Variants in CRB1 observed in about 807,000 individuals in gnomAD.
CRB1 encodes protein crumbs homolog 1.
Under a neutral mutation model 120.0 loss-of-function variants are expected in CRB1, and 83 were observed. The ratio of observed to expected loss-of-function variants is 0.69; its 90% CI spans 0.58 to 0.83. The LOEUF is 0.83. Ranked by LOEUF, CRB1 falls within the 40% of genes least tolerant of loss-of-function variation. The pLI is 0.00. For synonymous variants in CRB1, 625 were observed against 612.5 expected, an observed-to-expected ratio of 1.02 and a Z score of -0.30; for missense variants, 1,699 against 1,687.6, an observed-to-expected ratio of 1.01 and a Z score of -0.12.
intron 5 of CRB1, among the ~76,000 whole-genome samples, chr1:197,396,352 G>A (rs1054199077): frequency 9.2e-5 from 14 of 152,030 alleles, no homozygotes; most frequent in Non-Finnish European, 1.5e-4. Flanking sequence ...TATATTTCAC[G>A]TTCACTGATT....
intron 4 of CRB1, among the ~76,000 whole-genome samples, chr1:197,348,644 T>C (rs921102197): frequency 1.3e-5 from 2 of 151,984 alleles, no homozygotes; most frequent in African/African-American, 2.4e-5. Context: ...GCCCGGCTAA[T>C]TTTTTGTATT....
At chr1:197,424,172 G>T (rs1664466630) in intron 6 of CRB1, among the ~76,000 whole-genome samples, 1 of 152,064 alleles carries the variant, frequency 6.6e-6, no homozygotes, top group South Asian at 2.1e-4. Context: ...TAACACAATT[G>T]TACCTGCCAA....
rs771264436 is a variant in CRB1 at position 197,427,628 on chromosome 1, A to G, written c.2303A>G (p.Glu768Gly). 1.2e-5 allele frequency: 20 copies of G among 1,613,882 alleles called. No individual in the cohort carries two copies. Among genetic ancestry groups the G allele is most frequent in the Non-Finnish European group, 1.6e-5 (19 of 1,179,996 alleles). ...STYQYIRVWL[E>G]RGRLAMLTPN... ...TATCAATATATCCGTGTCTGGCTAG[A>G]GCGCGGCAGACTAGCAATGCTGACT... The change falls in exon 7 of 12, where the codon GAG (glutamate) becomes GGG (glycine). Residue 768 changes from glutamate to glycine, a missense_variant. Coordinates refer to ENST00000367400, the MANE Select transcript of CRB1 (RefSeq NM_201253.3).
upstream of CRB1, among the ~76,000 whole-genome samples, chr1:197,267,344 G>A (rs993330206): frequency 4.7e-4 from 71 of 152,226 alleles, no homozygotes; most frequent in African/African-American, 1.7e-3. Flanking sequence ...AAGTAAATCT[G>A]TGAGTATGTG....
chr1:197,239,137 A>T, the CRB1 span, among the ~76,000 whole-genome samples: 2 of 152,164 alleles, frequency 1.3e-5, no homozygotes, highest in South Asian at 4.2e-4. Context: ...GGCTCAGGTT[A>T]TAGTCTATCC....
At chr1:197,240,373 C>G in the CRB1 span, among the ~76,000 whole-genome samples, 1 of 152,110 alleles carries the variant, frequency 6.6e-6, no homozygotes, top group Non-Finnish European at 1.5e-5. Flanking sequence ...TCCTATGCCC[C>G]CACCCTTTGA....
At chr1:197,406,895 G>A (rs1288635056) in intron 5 of CRB1, among the ~76,000 whole-genome samples, 2 of 152,156 alleles carry the variant, frequency 1.3e-5, no homozygotes, top group African/African-American at 4.8e-5. Context: ...GGTAGGTGGT[G>A]CAAAGGTGCT....
chr1:197,448,457 A>G (rs1665806021), intron 11 of CRB1, among the ~76,000 whole-genome samples: 1 of 152,188 alleles, frequency 6.6e-6, no homozygotes, highest in African/African-American at 2.4e-5. Flanking sequence ...TCCATATACA[A>G]TTTGGGTTCA....
the CRB1 span, among the ~76,000 whole-genome samples, chr1:197,256,081 C>G: frequency 6.7e-6 from 1 of 148,528 alleles, no homozygotes; most frequent in Admixed American, 6.8e-5. Context: ...TTCATTTTCT[C>G]TTGAACACAT....
At chr1:197,434,192 C>A (rs1402893620) in intron 8 of CRB1, among the ~76,000 whole-genome samples, 3 of 152,104 alleles carry the variant, frequency 2.0e-5, no homozygotes, top group Non-Finnish European at 4.4e-5. Context: ...ATTTGGAATG[C>A]TACTTTTAAC....
chr1:197,227,420 T>A, the CRB1 span, among the ~76,000 whole-genome samples: 1 of 142,824 alleles, frequency 7.0e-6, no homozygotes, highest in Non-Finnish European at 1.5e-5. Context: ...TGAGATGGAG[T>A]CTCGCTCATC....
At chr1:197,385,089 C>T (rs1016292179) in intron 5 of CRB1, among the ~76,000 whole-genome samples, 2 of 152,074 alleles carry the variant, frequency 1.3e-5, no homozygotes, top group African/African-American at 2.4e-5. Flanking sequence ...ATTCTGGTAA[C>T]TTGTTTCTGA....
intron 5 of CRB1, among the ~76,000 whole-genome samples, chr1:197,366,902 T>A (rs995359312): frequency 5.9e-5 from 9 of 152,178 alleles, no homozygotes; most frequent in Admixed American, 2.0e-4. Flanking sequence ...TATTCTCTAA[T>A]TCTCCAAAAT....
At chr1:197,281,485 G>A (rs1764800) in intron 1 of CRB1, among the ~76,000 whole-genome samples, 130,500 of 151,646 alleles carry the variant, frequency 0.86, 56,636 homozygotes, top group East Asian at 1. Flanking sequence ...TACTCTTCAC[G>A]TGTTGGGAAG....
At chr1:197,204,357 G>A in the CRB1 span, among the ~76,000 whole-genome samples, 12 of 152,258 alleles carry the variant, frequency 7.9e-5, no homozygotes, top group African/African-American at 2.9e-4. Flanking sequence ...AATCTCCTCC[G>A]CTTTTCCATA....
At chr1:197,321,072 A>C (rs1658162609) in intron 1 of CRB1, among the ~76,000 whole-genome samples, 1 of 152,178 alleles carries the variant, frequency 6.6e-6, no homozygotes, top group Admixed American at 6.5e-5. Flanking sequence ...GAAGCCTCGG[A>C]ATTCATTACG....
intron 5 of CRB1, among the ~76,000 whole-genome samples, chr1:197,367,792 C>T (rs1167679247): frequency 1.3e-5 from 2 of 152,152 alleles, no homozygotes; most frequent in Non-Finnish European, 2.9e-5. Context: ...GGATTTTATT[C>T]TACTTCACCC....
intron 1 of CRB1, among the ~76,000 whole-genome samples, chr1:197,275,651 A>G (rs1655162352): frequency 6.6e-6 from 1 of 151,998 alleles, no homozygotes; most frequent in Admixed American, 6.6e-5. Flanking sequence ...TTAGAGTCTG[A>G]TCAATATGTA....
At position 197,353,810 on chromosome 1, in the gene CRB1, TAAATA is replaced by T. The variant is rs1195930639; in HGVS notation, c.989-3017_989-3013del. On this transcript the variant is annotated intron_variant, in intron 4 of 11. Coordinates refer to ENST00000367400, the MANE Select transcript of CRB1 (RefSeq NM_201253.3). ...AGTGAGACTCCGTCTCAAAAATATA[TAAATA>T]AAAAAAAAAAAAAAAAAAAAAACTT... 8.6e-3 allele frequency among the ~76,000 whole-genome samples: 557 copies of T among 64,492 alleles called. 3 individuals are homozygous for T. The highest frequency in any genetic ancestry group is 0.025 in the African/African-American group (501 of 20,352). The allele number at this position is 64,492 out of a possible 152,430, so 42.3% of individuals were successfully genotyped here.
Sources: allele counts gnomAD v4.1 joint callset (sites outside exome capture counted in the v4.1 genomes callset), GRCh38; gene constraint gnomAD v4.1.1; transcripts MANE v1.5; gene names NCBI Gene and HGNC (gene_info 2026-07-23, HGNC 2026-07-21).